CNTN5: variants seen among roughly 807,000 people sequenced by gnomAD.
CNTN5 encodes contactin-5.
In CNTN5, 77 loss-of-function variants were observed where a neutral mutation model predicts 129.1. The ratio of observed to expected loss-of-function variants is 0.60; its 90% CI spans 0.50 to 0.72. The LOEUF (loss-of-function observed/expected upper bound fraction) is 0.72, where lower values mean the gene tolerates loss of function less well. CNTN5 is among the 30% of genes least tolerant of loss of function. CNTN5 has a pLI of 0.00. For missense variants in CNTN5, 1,478 were observed against 1,328.8 expected, an observed-to-expected ratio of 1.11 and a Z score of -1.75; for synonymous variants, 509 against 465.6, an observed-to-expected ratio of 1.09 and a Z score of -1.20.
chr11:99,385,102 TAAGAGTCTTGAAA>T (rs1250319108), intron 2 of CNTN5, among the ~76,000 whole-genome samples: 2 of 152,222 alleles, frequency 1.3e-5, no homozygotes, highest in Non-Finnish European at 2.9e-5. Flanking sequence ...AAAAGGAAAG[TAAGAGTCTTGAAA>T]AATGTCTTTC....
intron 3 of CNTN5, among the ~76,000 whole-genome samples, chr11:99,612,091 C>G (rs958709827): frequency 1.3e-5 from 2 of 152,138 alleles, no homozygotes; most frequent in Admixed American, 6.6e-5. Context: ...GAGGCACTTG[C>G]AATAAGAATT....
intron 2 of CNTN5, among the ~76,000 whole-genome samples, chr11:99,393,714 C>T (rs1941380245): frequency 6.6e-6 from 1 of 151,680 alleles, no homozygotes. Flanking sequence ...TATGGTTGTC[C>T]AGAATTCCAT....
At chr11:99,654,542 G>A (rs746075578) in intron 3 of CNTN5, among the ~76,000 whole-genome samples, 19 of 152,104 alleles carry the variant, frequency 1.2e-4, no homozygotes, top group Middle Eastern at 3.4e-3. Context: ...AAATGATGTA[G>A]GTTTCAATCA....
At chr11:100,288,734 C>CAGA (rs1950868487) in intron 18 of CNTN5, among the ~76,000 whole-genome samples, 1 of 151,572 alleles carries the variant, frequency 6.6e-6, no homozygotes, top group South Asian at 2.1e-4. Flanking sequence ...CAAAAGCTAG[C>CAGA]AGAAGGCAAG....
chr11:99,248,998 C>T (rs61624376), intron 1 of CNTN5, among the ~76,000 whole-genome samples: 8,434 of 151,872 alleles, frequency 0.056, 809 homozygotes, highest in African/African-American at 0.19. Context: ...TCCAATTCTG[C>T]GAAGAAAGTC....
intron 6 of CNTN5, among the ~76,000 whole-genome samples, chr11:99,896,374 T>C (rs918294372): frequency 6.6e-6 from 1 of 152,148 alleles, no homozygotes; most frequent in Non-Finnish European, 1.5e-5. Context: ...TCACAGCTGC[T>C]GCTGTCTCTG....
intron 4 of CNTN5, among the ~76,000 whole-genome samples, chr11:99,841,104 T>C (rs1431819584): frequency 1.3e-5 from 2 of 152,142 alleles, no homozygotes; most frequent in Non-Finnish European, 2.9e-5. Flanking sequence ...AATACTTTCT[T>C]TTTCACATTT....
At chr11:99,506,319 A>G (rs551369402) in intron 2 of CNTN5, among the ~76,000 whole-genome samples, 1 of 152,324 alleles carries the variant, frequency 6.6e-6, no homozygotes, top group Non-Finnish European at 1.5e-5. Flanking sequence ...CTCTCTTTTT[A>G]ATGGCATGAG....
At chr11:99,272,210 T>C (rs1016656042) in intron 1 of CNTN5, among the ~76,000 whole-genome samples, 1 of 151,858 alleles carries the variant, frequency 6.6e-6, no homozygotes, top group Non-Finnish European at 1.5e-5. Flanking sequence ...AGCAGGTTGG[T>C]CCAAGAATGT....
chr11:99,630,426 T>C (rs1029278878), intron 3 of CNTN5, among the ~76,000 whole-genome samples: 18 of 152,034 alleles, frequency 1.2e-4, no homozygotes, highest in Non-Finnish European at 2.2e-4. Context: ...CATGTGAACA[T>C]GGTTTACATT....
chr11:99,834,774 G>C (rs1474779683), intron 4 of CNTN5, among the ~76,000 whole-genome samples: 1 of 152,050 alleles, frequency 6.6e-6, no homozygotes, highest in Non-Finnish European at 1.5e-5. Flanking sequence ...TTACTACTAA[G>C]GCTCAGGGAT....
chr11:100,225,838 T>G (rs980138307), intron 16 of CNTN5, among the ~76,000 whole-genome samples: 1 of 152,114 alleles, frequency 6.6e-6, no homozygotes, highest in Admixed American at 6.6e-5. Context: ...TCTGGACTCT[T>G]ACAATTTAAA....
intron 2 of CNTN5, among the ~76,000 whole-genome samples, chr11:99,518,369 A>G (rs1225824348): frequency 6.6e-6 from 1 of 152,150 alleles, no homozygotes; most frequent in South Asian, 2.1e-4. Flanking sequence ...CAGAGCAAGT[A>G]TATATAGAAA....
intron 3 of CNTN5, among the ~76,000 whole-genome samples, chr11:99,776,922 T>C (rs1945144206): frequency 6.6e-6 from 1 of 151,974 alleles, no homozygotes; most frequent in Admixed American, 6.6e-5. Flanking sequence ...AATGTGAACA[T>C]GAGATGCAAG....
At chr11:99,947,742 C>G (rs952280509) in intron 7 of CNTN5, among the ~76,000 whole-genome samples, 1 of 152,044 alleles carries the variant, frequency 6.6e-6, no homozygotes, top group Non-Finnish European at 1.5e-5. Flanking sequence ...ACTCACCTAC[C>G]TATAAGGGGG....
At chr11:99,440,468 C>A (rs958328400) in intron 2 of CNTN5, among the ~76,000 whole-genome samples, 11 of 151,922 alleles carry the variant, frequency 7.2e-5, no homozygotes, top group Non-Finnish European at 1.3e-4. Context: ...ATACCTAACA[C>A]AAATAGTCAA....
intron 2 of CNTN5, among the ~76,000 whole-genome samples, chr11:99,422,518 T>TA (rs1565569181): frequency 0.012 from 1,008 of 82,994 alleles, 10 homozygotes; most frequent in Non-Finnish European, 0.017. Context: ...CTTTATATTT[T>TA]TATATATATA....
chr11:99,261,783 T>C (rs1862640712), intron 1 of CNTN5, among the ~76,000 whole-genome samples: 1 of 152,048 alleles, frequency 6.6e-6, no homozygotes, highest in Non-Finnish European at 1.5e-5. Context: ...TAGAGTGACT[T>C]ACACAAAGCA....
Position 99,131,634 on chromosome 11 carries a change from A to G in CNTN5, c.-210+110364A>G, listed in dbSNP as rs115358191. On this transcript the variant is annotated intron_variant, in intron 1 of 24. Transcript: ENST00000524871. ...ATACTATAAACACCTTTATGCAAAT[A>G]AACTGGGAAACATAGAAGAAATGGA... Among the ~76,000 whole-genome samples, 1,288 of 152,300 alleles carry G rather than the reference A, an allele frequency of 8.5e-3. 21 individuals are homozygous for G. Among genetic ancestry groups the G allele is most frequent in the African/African-American group, 0.029 (1,197 of 41,566 alleles).
Sources: gnomAD v4.1 joint callset for allele counts (sites outside exome capture counted in the v4.1 genomes callset) on GRCh38, gnomAD v4.1.1 for gene constraint, MANE v1.5 for transcripts, NCBI Gene and HGNC (gene_info 2026-07-23, HGNC 2026-07-21) for gene names.